The following HMCN1 variants were observed in gnomAD, a reference collection of about 807,000 sequenced individuals.
HMCN1 encodes the protein hemicentin 1.
A neutral mutation model predicts 625.9 loss-of-function variants in HMCN1; 321 were observed. The ratio of observed to expected loss-of-function variants is 0.51; its 90% CI spans 0.47 to 0.56. The LOEUF is 0.56. Among genes scored for constraint, HMCN1 ranks in the 20% least tolerant of loss-of-function variants. The probability of loss-of-function intolerance (pLI) is 0.00; values close to 1 mark genes in which losing one functional copy is unlikely to be tolerated. For synonymous variants in HMCN1, 2,425 were observed against 2,417.6 expected, an observed-to-expected ratio of 1.00 and a Z score of -0.09; for missense variants, 6,588 against 6,887.3, an observed-to-expected ratio of 0.96 and a Z score of 1.54.
In HMCN1 at chr1:186,112,784, G is replaced by A. The variant is rs141844911; in HGVS notation, c.10990-28G>A. Reference sequence around the variant, plus strand: ...TATTCTCTTTTCCTGACATTTTAACGGCAAATTTCTTTACTTGCTGAATCC... The same window carrying A: ...TATTCTCTTTTCCTGACATTTTAACAGCAAATTTCTTTACTTGCTGAATCC... On this transcript the variant is annotated intron_variant, in intron 71 of 106. Coordinates refer to ENST00000271588, the MANE Select transcript of HMCN1 (RefSeq NM_031935.3). 6.9e-4 allele frequency: 1,107 copies of A among 1,613,156 alleles called. 9 individuals carry two copies. The African/African-American group carries it at 0.013, about 19-fold the overall frequency.
intron 29 of HMCN1, among the ~76,000 whole-genome samples, chr1:186,006,329 T>TTCA (rs1410134150): frequency 1.3e-5 from 2 of 152,168 alleles, no homozygotes; most frequent in Non-Finnish European, 2.9e-5. Flanking sequence ...TTATTCATTA[T>TTCA]GTGGCTAAGT....
intron 36 of HMCN1, among the ~76,000 whole-genome samples, chr1:186,035,000 G>C (rs144840127): frequency 4.9e-4 from 74 of 152,200 alleles, no homozygotes; most frequent in African/African-American, 1.7e-3. Context: ...TTGCAGCAGC[G>C]ACATAGTCTG....
intron 4 of HMCN1, among the ~76,000 whole-genome samples, chr1:185,901,177 G>A (rs923834452): frequency 1.3e-5 from 2 of 151,788 alleles, no homozygotes; most frequent in Non-Finnish European, 2.9e-5. Flanking sequence ...AAGCCAGGAC[G>A]CAATTTGTTA....
chr1:186,125,555 CATT>C (rs1558242261), intron 81 of HMCN1, 46 bp from the exon 82 acceptor site: 1 of 1,381,122 alleles, frequency 7.2e-7, no homozygotes, highest in Non-Finnish European at 1.0e-6. Context: ...TGAATAAAGA[CATT>C]ATTGAACTCA....
Position 186,130,527 on chromosome 1 carries a change from G to C in HMCN1, c.13060G>C (p.Asp4354His). ...YVKEPPVFKG[D>H]YPSNWIEPLG... ...TCCAGAACCTCCAGTCTTCAAAGGT[G>C]ATTATCCTTCTAACTGGATTGAACC... Residue 4354 changes from aspartate to histidine, a missense_variant, in exon 85 of 107, where the codon GAT (aspartate) becomes CAT (histidine). Coordinates refer to ENST00000271588, the MANE Select transcript of HMCN1 (RefSeq NM_031935.3). 1 of 1,613,382 alleles carries C rather than the reference G, an allele frequency of 6.2e-7. No individual in the cohort carries two copies. Among genetic ancestry groups the C allele is most frequent in the African/African-American group, 1.3e-5 (1 of 74,988 alleles).
chr1:185,938,289 A>G (rs1436182649), intron 11 of HMCN1, among the ~76,000 whole-genome samples: 1 of 152,200 alleles, frequency 6.6e-6, no homozygotes, highest in East Asian at 1.9e-4. Context: ...AACTTCATCT[A>G]GACACATCCT....
At chr1:186,028,623 A>G (rs148429362) in intron 36 of HMCN1, among the ~76,000 whole-genome samples, 144 of 152,132 alleles carry the variant, frequency 9.5e-4, no homozygotes, top group African/African-American at 3.2e-3. Context: ...GTCAAATACC[A>G]TGTACTAGTG....
intron 67 of HMCN1, among the ~76,000 whole-genome samples, chr1:186,094,823 A>G (rs1366269037): frequency 6.6e-6 from 1 of 152,152 alleles, no homozygotes; most frequent in Non-Finnish European, 1.5e-5. Context: ...CACATTTCTC[A>G]ATCCCCAAGA....
chr1:185,977,545 G>A (rs796094716), intron 15 of HMCN1, among the ~76,000 whole-genome samples: 19 of 152,154 alleles, frequency 1.2e-4, no homozygotes, highest in African/African-American at 4.3e-4. Context: ...GAAGTCCCAT[G>A]CTTTTTATCA....
At chr1:185,737,896 A>G (rs1236480817) in intron 1 of HMCN1, among the ~76,000 whole-genome samples, 1 of 152,214 alleles carries the variant, frequency 6.6e-6, no homozygotes, top group Non-Finnish European at 1.5e-5. Flanking sequence ...TTTAAAACAC[A>G]TGGAACACAT....
rs1653363253 is a variant in HMCN1, at chr1:186,003,859, T to C, written c.4475+15T>C. On this transcript the variant is annotated intron_variant, in intron 29 of 106. Transcript: ENST00000271588. Reference sequence around the variant, plus strand: ...AAAGATGGCAAGTGAGTATCTTTTCTGTATTTGTTGCAAGGTTTCAATGAT... The same window carrying C: ...AAAGATGGCAAGTGAGTATCTTTTCCGTATTTGTTGCAAGGTTTCAATGAT... 1 of 1,612,240 alleles carries C rather than the reference T, an allele frequency of 6.2e-7. No homozygotes were observed. The highest frequency in any genetic ancestry group is 1.3e-5 in the African/African-American group (1 of 74,968).
rs190808392 is a variant in HMCN1 at position 186,189,251 on chromosome 1, T to C, written c.16542-261T>C. On this transcript the variant is annotated intron_variant, in intron 106 of 106. Coordinates refer to ENST00000271588, the MANE Select transcript of HMCN1 (RefSeq NM_031935.3). ...AAAGAAAATACTCTTGTGGCATTCATACTTACTTCAATGGCTCAGACACTT... is the reference window on the plus strand; with the variant it reads ...AAAGAAAATACTCTTGTGGCATTCACACTTACTTCAATGGCTCAGACACTT... 2.9e-3 allele frequency among the ~76,000 whole-genome samples: 448 copies of C among 152,342 alleles called. 4 individuals are homozygous for C. The highest frequency in any genetic ancestry group is 0.01 in the African/African-American group (421 of 41,582).
At chr1:185,956,676 A>G (rs768675555) in intron 11 of HMCN1, among the ~76,000 whole-genome samples, 2 of 152,058 alleles carry the variant, frequency 1.3e-5, no homozygotes, top group African/African-American at 2.4e-5. Flanking sequence ...ATGATTGATT[A>G]CATCACGGGC....
Position 185,980,990 on chromosome 1 carries a change from G to T in HMCN1, c.2579G>T (p.Ser860Ile). 1 of 1,604,152 alleles carries T rather than the reference G, an allele frequency of 6.2e-7. No homozygotes were observed. Among genetic ancestry groups the T allele is most frequent in the Non-Finnish European group, 8.5e-7 (1 of 1,170,988 alleles). ...TTCTTCCTTTTAGACTTATGGGCAA[G>T]TGATAAAGGAACCTATATTTGTGAA... ...GALFILNLWASDKGTYICEAE... is the reference protein window; with the variant it reads ...GALFILNLWAIDKGTYICEAE... The change falls in exon 17 of 107, where the codon AGT becomes ATT. Residue 860 changes from serine to isoleucine, a missense_variant. Physicochemically the swap from Ser to Ile is moderately radical, Grantham distance 142. Around this residue, in one of 3 missense-constraint regions of HMCN1, gnomAD observed 4,628 missense variants for 4,853.1 expected, o/e 0.95. Coordinates refer to ENST00000271588, the MANE Select transcript of HMCN1 (RefSeq NM_031935.3).
rs200045422 is a variant in HMCN1, at chr1:186,108,602, A to T, written c.10989+5A>T. On this transcript the variant is annotated splice_donor_5th_base_variant and intron_variant, in intron 71 of 106. Transcript: ENST00000271588. ...AGAAATGGAGAACGGTTACAGGTAAATTTTTTGATAAGCTCCACAAATTCC... is the reference window on the plus strand; with the variant it reads ...AGAAATGGAGAACGGTTACAGGTAATTTTTTTGATAAGCTCCACAAATTCC... 1 of 1,614,066 alleles carries T rather than the reference A, an allele frequency of 6.2e-7. No individual in the cohort carries two copies. Among genetic ancestry groups the T allele is most frequent in the Non-Finnish European group, 8.5e-7 (1 of 1,179,970 alleles).
chr1:186,084,039 C>T (rs10911813), intron 57 of HMCN1, among the ~76,000 whole-genome samples: 95,748 of 152,028 alleles, frequency 0.63, 31,874 homozygotes, highest in African/African-American at 0.86. Context: ...GATTAGTTTT[C>T]CTGATTGCTC....
intron 25 of HMCN1, among the ~76,000 whole-genome samples, chr1:185,999,740 G>T (rs1174193991): frequency 6.6e-6 from 1 of 151,932 alleles, no homozygotes; most frequent in East Asian, 1.9e-4. Context: ...TATAGTTCCT[G>T]CCCTGCCAAC....
chr1:185,833,481 G>A (rs1372200407), intron 1 of HMCN1, among the ~76,000 whole-genome samples: 5 of 152,226 alleles, frequency 3.3e-5, no homozygotes, highest in Non-Finnish European at 7.4e-5. Context: ...AGTGTCAGAA[G>A]TAGTGTGTTT....
At chr1:185,865,693 A>G (rs1481551599) in intron 3 of HMCN1, 48 bp from the exon 4 acceptor site, 2 of 1,549,780 alleles carry the variant, frequency 1.3e-6, no homozygotes, top group African/African-American at 2.8e-5. Context: ...ATATTTTTTT[A>G]TTTCTGGAAA....
Sources: gnomAD v4.1 joint callset for allele counts (sites outside exome capture counted in the v4.1 genomes callset) on GRCh38, gnomAD v4.1.1 for gene constraint, gnomAD v4.1.1 regional missense constraint, MANE v1.5 for transcripts, NCBI Gene and HGNC (gene_info 2026-07-23, HGNC 2026-07-21) for gene names.